The following AMZ1 variants were observed in gnomAD, a reference collection of about 807,000 sequenced individuals.
The protein encoded by AMZ1 is archaemetzincin-1.
In AMZ1, 39 loss-of-function variants were observed where a neutral mutation model predicts 29.9. The observed-to-expected ratio is 1.30, with a 90% CI of 1.01 to 1.70. The LOEUF (loss-of-function observed/expected upper bound fraction) is 1.70. Ranked by LOEUF, AMZ1 falls within the 40% of genes most tolerant of loss-of-function variation. The pLI is 0.00. For missense variants in AMZ1, 1,041 were observed against 680.6 expected, an observed-to-expected ratio of 1.53 and a Z score of -5.89; for synonymous variants, 458 against 304.0, an observed-to-expected ratio of 1.51 and a Z score of -5.27.
chr7:2,732,529 G>C (rs1275694598), intron 4 of AMZ1, among the ~76,000 whole-genome samples: 2 of 152,176 alleles, frequency 1.3e-5, no homozygotes, highest in African/African-American at 2.4e-5. Flanking sequence ...CTGGGTGACA[G>C]AGTGAGACCC....
chr7:2,727,972 G>A (rs112497729), intron 4 of AMZ1: 5 of 143,060 alleles, frequency 3.5e-5, no homozygotes, highest in East Asian at 2.0e-4. Flanking sequence ...CTGAAGAATC[G>A]TTTGAACCCA....
chr7:2,688,708 C>T (rs1787201671), intron 1 of AMZ1, among the ~76,000 whole-genome samples: 1 of 152,176 alleles, frequency 6.6e-6, no homozygotes, highest in Admixed American at 6.5e-5. Flanking sequence ...GCGGGACGTC[C>T]CCGGGGAACC....
chr7:2,750,088 C>T (rs1307566405), intron 4 of AMZ1, among the ~76,000 whole-genome samples: 1 of 152,184 alleles, frequency 6.6e-6, no homozygotes, highest in African/African-American at 2.4e-5. Context: ...AAACTCATAG[C>T]AAGGATGCTA....
chr7:2,683,587 G>GCCA (rs1446351028), upstream of AMZ1, among the ~76,000 whole-genome samples: 4 of 152,174 alleles, frequency 2.6e-5, no homozygotes, highest in Admixed American at 6.5e-5. Context: ...ACAGGTGCCT[G>GCCA]CCACCACGCC....
intron 1 of AMZ1, among the ~76,000 whole-genome samples, chr7:2,691,736 A>AAAAAAAT (rs1345908813): frequency 2.0e-5 from 3 of 151,348 alleles, no homozygotes; most frequent in African/African-American, 4.9e-5. Flanking sequence ...GTCTCAAAAA[A>AAAAAAAT]AAAAAAAAAA....
intron 4 of AMZ1, among the ~76,000 whole-genome samples, chr7:2,750,821 C>T (rs1583234576): frequency 6.6e-6 from 1 of 152,086 alleles, no homozygotes; most frequent in East Asian, 1.9e-4. Flanking sequence ...GGCCTCAGAA[C>T]CAGATTCGGA....
At chr7:2,724,151 C>G (rs542518464), downstream of AMZ1, among the ~76,000 whole-genome samples, 3 of 152,188 alleles carry the variant, frequency 2.0e-5, no homozygotes, top group South Asian at 6.2e-4. Context: ...GAACTCCTGA[C>G]CTCGTGATCC....
At chr7:2,712,111 T>G (rs1029136072) in intron 6 of AMZ1, among the ~76,000 whole-genome samples, 2 of 152,170 alleles carry the variant, frequency 1.3e-5, no homozygotes, top group African/African-American at 4.8e-5. Flanking sequence ...AGTTCCTGAA[T>G]GGTGAGCTCT....
At position 2,712,361 on chromosome 7, in the gene AMZ1, G is replaced by A; in HGVS notation, c.980G>A (p.Gly327Glu). 6.2e-7 allele frequency: 1 copy of A among 1,601,450 alleles called. No homozygotes were observed. ...RLYTWTQAVV[G>E]TWPSQEAGEP... ...TACACCTGGACTCAGGCGGTGGTGG[G>A]GACGTGGCCCAGCCAGGAGGCGGGG... The change falls in exon 7 of 7, where the codon GGG (glycine) becomes GAG (glutamate). Residue 327 changes from glycine to glutamate, a missense_variant. Physicochemically the swap from Gly to Glu is moderately conservative, Grantham distance 98. Coordinates refer to ENST00000683327, the MANE Select transcript of AMZ1 (RefSeq NM_001384743.1).
At chr7:2,738,666 CTG>C (rs751428175) in intron 4 of AMZ1, among the ~76,000 whole-genome samples, 5 of 151,878 alleles carry the variant, frequency 3.3e-5, no homozygotes, top group African/African-American at 4.8e-5. Flanking sequence ...GTAGCCCTCT[CTG>C]AGTATGTCTG....
At chr7:2,690,359 C>T (rs1235845461) in intron 1 of AMZ1, among the ~76,000 whole-genome samples, 1 of 152,212 alleles carries the variant, frequency 6.6e-6, no homozygotes, top group African/African-American at 2.4e-5. Flanking sequence ...GCTGGGACCA[C>T]AGGCATGCAC....
intron 1 of AMZ1, among the ~76,000 whole-genome samples, chr7:2,680,363 T>C (rs1184102674): frequency 6.6e-6 from 1 of 152,006 alleles, no homozygotes; most frequent in African/African-American, 2.4e-5. Flanking sequence ...GCTGGGCAGG[T>C]GTGCAGCCCA....
In AMZ1 at chr7:2,735,091, G is replaced by A. The variant is rs143393765; in HGVS notation, n.550+25275G>A. ...TCCACACCCTGACAGGAAGCAGCTG[G>A]GAGAAGCCGTTGGGTGCACTCACTC... On this transcript the variant is annotated intron_variant and non_coding_transcript_variant, in intron 4 of 4. Coordinates refer to the AMZ1 transcript ENST00000489665. Among the ~76,000 whole-genome samples, 128 of 145,532 alleles carry A rather than the reference G, an allele frequency of 8.8e-4. 1 individual carries two copies. Among genetic ancestry groups the A allele is most frequent in the African/African-American group, 3.0e-3 (119 of 39,496 alleles).
At chr7:2,690,976 A>C (rs1360531735) in intron 1 of AMZ1, among the ~76,000 whole-genome samples, 1 of 151,884 alleles carries the variant, frequency 6.6e-6, no homozygotes, top group Non-Finnish European at 1.5e-5. Flanking sequence ...CCCTGTCTCT[A>C]CTAAAGATAA....
intron 2 of AMZ1, 44 bp from the exon 3 acceptor site, chr7:2,702,678 C>A (rs540358146): frequency 5.0e-5 from 74 of 1,484,742 alleles, no homozygotes; most frequent in Non-Finnish European, 6.4e-5. Flanking sequence ...GGGTCCCAGG[C>A]GGGCAGGGGC....
rs778091933 is a variant in AMZ1, at chr7:2,709,202, G to C, written c.729G>C (p.Trp243Cys). 11 of 1,518,240 alleles carry C rather than the reference G, an allele frequency of 7.2e-6. No individual in the cohort carries two copies. The highest frequency in any genetic ancestry group is 9.7e-6 in the Non-Finnish European group (11 of 1,134,966). 94.0% of individuals were successfully genotyped at this position (1,518,240 alleles called of 1,614,324 possible). ...GPEAPLQDRG[W>C]ALCFSALGMV... ...AGGCCCCCCTGCAGGACAGGGGCTG[G>C]GCCCTGTGCTTCAGTGCCCTGGGGA... The change falls in exon 5 of 7, where the codon TGG (tryptophan) becomes TGC (cysteine). Residue 243 changes from tryptophan to cysteine, a missense_variant. By Grantham distance (215) the Trp-to-Cys change is radical (BLOSUM62 -2). Coordinates refer to ENST00000683327, the MANE Select transcript of AMZ1 (RefSeq NM_001384743.1).
chr7:2,763,101 A>G (rs994865940), upstream of AMZ1: 27 of 1,248,332 alleles, frequency 2.2e-5, no homozygotes, highest in Middle Eastern at 3.0e-4. Flanking sequence ...GACCACAAGC[A>G]GCCTCTGAAG....
chr7:2,721,240 AGGCCTGAGCCG>A (rs1192175427), downstream of AMZ1, among the ~76,000 whole-genome samples: 2 of 152,212 alleles, frequency 1.3e-5, no homozygotes, highest in African/African-American at 2.4e-5. Flanking sequence ...ACAGGGACTA[AGGCCTGAGCCG>A]GGCCCTGTGC....
intron 4 of AMZ1, among the ~76,000 whole-genome samples, chr7:2,751,520 T>C (rs575052315): frequency 8.9e-4 from 131 of 147,008 alleles, no homozygotes; most frequent in African/African-American, 3.1e-3. Flanking sequence ...AGAAAGAAAA[T>C]AACAAAGATG....
Sources: allele counts gnomAD v4.1 joint callset (sites outside exome capture counted in the v4.1 genomes callset), GRCh38; gene constraint gnomAD v4.1.1; transcripts MANE v1.5; gene names NCBI Gene and HGNC (gene_info 2026-07-23, HGNC 2026-07-21).